SRPK1: variants seen among roughly 807,000 people sequenced by gnomAD.
The protein encoded by SRPK1 is SRSF protein kinase 1.
A neutral mutation model predicts 89.5 loss-of-function variants in SRPK1; 52 were observed. The observed-to-expected ratio is 0.58, with a 90% CI of 0.46 to 0.73. The LOEUF is 0.73. SRPK1 is among the 30% of genes least tolerant of loss of function. SRPK1 has a pLI of 0.00. For missense variants in SRPK1, 603 were observed against 780.6 expected (o/e 0.77, Z 2.71); for synonymous variants, 255 against 270.2 (o/e 0.94, Z 0.55).
At position 35,921,036 on chromosome 6, in the gene SRPK1, C is replaced by A; in HGVS notation, c.13+8G>T. The A allele has an allele frequency of 6.5e-7, 1 of 1,545,912 alleles. No individual in the cohort carries two copies. Among genetic ancestry groups the A allele is most frequent in the Non-Finnish European group, 8.7e-7 (1 of 1,148,656 alleles). On this transcript the variant is annotated splice_region_variant and intron_variant, in intron 1 of 15. Transcript: ENST00000373825. Reference sequence around the variant, plus strand: ...GCCCCTCGTGGCGGAGGCCGCTCCACCGCTCACCTTTCCGCTCCATGGTGA... The same window carrying A: ...GCCCCTCGTGGCGGAGGCCGCTCCAACGCTCACCTTTCCGCTCCATGGTGA...
chr6:35,870,643 T>C (rs1372756400), intron 9 of SRPK1, 149 bp from the exon 10 acceptor site: 41 of 795,562 alleles, frequency 5.2e-5, no homozygotes, highest in Middle Eastern at 3.7e-4. Flanking sequence ...AATTAAAAGA[T>C]GCGGGATACT....
intron 6 of SRPK1, among the ~76,000 whole-genome samples, chr6:35,885,296 CACAGAG>C (rs753317058): frequency 1.2e-3 from 146 of 123,870 alleles, no homozygotes; most frequent in Middle Eastern, 3.9e-3. Flanking sequence ...CACACACACA[CACAGAG>C]AGAGAGAGAG....
intron 4 of SRPK1, among the ~76,000 whole-genome samples, chr6:35,888,437 T>C (rs1041772440): frequency 6.6e-6 from 1 of 152,142 alleles, no homozygotes; most frequent in African/African-American, 2.4e-5. Context: ...ATTACCAAAT[T>C]CCAAGTGTTC....
chr6:35,867,508 A>G (rs942693159), intron 12 of SRPK1, among the ~76,000 whole-genome samples: 1 of 152,192 alleles, frequency 6.6e-6, no homozygotes, highest in African/African-American at 2.4e-5. Context: ...ATAAATTTTA[A>G]AAAGATGTCC....
intron 2 of SRPK1, among the ~76,000 whole-genome samples, chr6:35,918,362 G>A (rs1771158619): frequency 6.6e-6 from 1 of 151,938 alleles, no homozygotes; most frequent in African/African-American, 2.4e-5. Flanking sequence ...TTAACCAGGC[G>A]TAGTGGCACA....
Position 35,835,267 on chromosome 6 carries a change from T to A in SRPK1, c.*37A>T. On this transcript the variant is annotated 3_prime_UTR_variant, in exon 16 of 16. Coordinates refer to ENST00000373825, the MANE Select transcript of SRPK1 (RefSeq NM_003137.5). ...ATGCTTGAAGGGGAAGGGCGGAGGG[T>A]CAGTGTGTGATCTCTGCTGTGGTGC... is the stretch of plus-strand genomic sequence containing the variant. The A allele has an allele frequency of 6.5e-7, 1 of 1,540,528 alleles. No individual in the cohort carries two copies. The highest frequency in any genetic ancestry group is 1.2e-5 in the South Asian group (1 of 82,494).
rs193064433 is a variant in SRPK1 at position 35,841,767 on chromosome 6, G to A, written c.1690+768C>T. ...GAATCGCTTGAACGAGGGAAGTGGAGGTTGTAGTGAGCCGAGATCGCACCA... is the reference window on the plus strand; with the variant it reads ...GAATCGCTTGAACGAGGGAAGTGGAAGTTGTAGTGAGCCGAGATCGCACCA... On this transcript the variant is annotated intron_variant, in intron 14 of 15. Coordinates refer to ENST00000373825, the MANE Select transcript of SRPK1 (RefSeq NM_003137.5). Among the ~76,000 whole-genome samples the A allele has an allele frequency of 4.0e-5, 6 of 150,294 alleles. No homozygotes were observed. The East Asian group carries it at 1.2e-3, about 30-fold the overall frequency.
intron 13 of SRPK1, among the ~76,000 whole-genome samples, chr6:35,846,734 A>G (rs1769434638): frequency 6.6e-6 from 1 of 152,186 alleles, no homozygotes; most frequent in Non-Finnish European, 1.5e-5. Context: ...CAAAGATTGA[A>G]CCATGAAGAA....
At chr6:35,872,333 T>C (rs998774838) in intron 8 of SRPK1, among the ~76,000 whole-genome samples, 1 of 152,220 alleles carries the variant, frequency 6.6e-6, no homozygotes, top group African/African-American at 2.4e-5. Context: ...AAAAATATTT[T>C]TAAACAATAC....
chr6:35,855,768 C>T (rs1393355032), intron 13 of SRPK1, among the ~76,000 whole-genome samples: 1 of 152,084 alleles, frequency 6.6e-6, no homozygotes, highest in Admixed American at 6.6e-5. Context: ...ATGTTTCATT[C>T]TTGTTGCCTA....
intron 6 of SRPK1, among the ~76,000 whole-genome samples, chr6:35,885,380 T>C (rs956417030): frequency 6.6e-6 from 1 of 151,526 alleles, no homozygotes; most frequent in Non-Finnish European, 1.5e-5. Flanking sequence ...TTAAGATGGT[T>C]GCAGCAGTTT....
intron 2 of SRPK1, among the ~76,000 whole-genome samples, chr6:35,896,381 G>T (rs1383880468): frequency 6.6e-6 from 1 of 152,180 alleles, no homozygotes; most frequent in Non-Finnish European, 1.5e-5. Context: ...CAACAAAACA[G>T]TTTGAAGTTT....
chr6:35,913,134 C>T (rs1209672036), intron 2 of SRPK1, among the ~76,000 whole-genome samples: 1 of 152,180 alleles, frequency 6.6e-6, no homozygotes, highest in Non-Finnish European at 1.5e-5. Flanking sequence ...GGCACTTCAA[C>T]AAGTTGCTGG....
chr6:35,896,173 A>G (rs1282522133), intron 2 of SRPK1, among the ~76,000 whole-genome samples: 1 of 152,204 alleles, frequency 6.6e-6, no homozygotes, highest in Non-Finnish European at 1.5e-5. Context: ...CTGGCACTGG[A>G]AACGGGGGAG....
At chr6:35,904,519 G>A (rs1281676575) in intron 2 of SRPK1, among the ~76,000 whole-genome samples, 2 of 152,208 alleles carry the variant, frequency 1.3e-5, no homozygotes, top group East Asian at 3.9e-4. Context: ...TAAAGTCGTG[G>A]GCTGGGTGCA....
chr6:35,919,379 C>G (rs117080853), intron 2 of SRPK1, among the ~76,000 whole-genome samples: 4,957 of 152,202 alleles, frequency 0.033, 96 homozygotes, highest in Middle Eastern at 0.065. Flanking sequence ...CCTACACCCC[C>G]CTAATCTGGT....
intron 3 of SRPK1, among the ~76,000 whole-genome samples, 189 bp downstream of exon 3, chr6:35,890,706 A>T (rs888386479): frequency 4.6e-5 from 7 of 152,242 alleles, no homozygotes; most frequent in African/African-American, 1.7e-4. Flanking sequence ...AAAGGTAAAA[A>T]CATTTAATAT....
intron 12 of SRPK1, among the ~76,000 whole-genome samples, chr6:35,868,423 G>A (rs993358422): frequency 6.6e-6 from 1 of 152,090 alleles, no homozygotes; most frequent in African/African-American, 2.4e-5. Flanking sequence ...AAAAATCACA[G>A]AACTTCTGAC....
chr6:35,844,009 T>G (rs1283035825), intron 13 of SRPK1, among the ~76,000 whole-genome samples: 1 of 150,554 alleles, frequency 6.6e-6, no homozygotes, highest in South Asian at 2.1e-4. Flanking sequence ...ACAGCAGTTT[T>G]TTTTTTTTTT....
Sources: allele counts gnomAD v4.1 joint callset (sites outside exome capture counted in the v4.1 genomes callset), GRCh38; gene constraint gnomAD v4.1.1; transcripts MANE v1.5; gene names NCBI Gene and HGNC (gene_info 2026-07-23, HGNC 2026-07-21).